Variants in DLGAP1 observed in about 807,000 individuals in gnomAD.
The protein encoded by DLGAP1 is DLG associated protein 1.
In DLGAP1, 11 loss-of-function variants were observed where a neutral mutation model predicts 90.8. The ratio of observed to expected loss-of-function variants is 0.12; its 90% CI spans 0.08 to 0.20. The LOEUF is 0.20. Ranked by LOEUF, DLGAP1 falls within the 10% of genes least tolerant of loss-of-function variation. The pLI is 1.00. For missense variants in DLGAP1, 1,050 were observed against 1,333.8 expected, an observed-to-expected ratio of 0.79 and a Z score of 3.31; for synonymous variants, 558 against 540.7, an observed-to-expected ratio of 1.03 and a Z score of -0.44.
At chr18:3,628,282 C>G (rs118058858) in intron 7 of DLGAP1, among the ~76,000 whole-genome samples, 3,097 of 151,534 alleles carry the variant, frequency 0.02, 60 homozygotes, top group East Asian at 0.051. Context: ...CTCTGCCTCC[C>G]GGGTTCGAGC....
At chr18:4,371,668 C>T (rs768752033) in intron 1 of DLGAP1, among the ~76,000 whole-genome samples, 4 of 152,144 alleles carry the variant, frequency 2.6e-5, no homozygotes, top group Non-Finnish European at 4.4e-5. Context: ...AATAAAAATG[C>T]AGGAAGACTA....
At chr18:4,326,367 C>G (rs79935172) in intron 1 of DLGAP1, among the ~76,000 whole-genome samples, 1 of 151,888 alleles carries the variant, frequency 6.6e-6, no homozygotes, top group African/African-American at 2.4e-5. Context: ...GCAAGGTTGT[C>G]GAGAAAAACG....
chr18:4,129,822 GAAT>G (rs2076287180), intron 2 of DLGAP1, among the ~76,000 whole-genome samples: 1 of 152,134 alleles, frequency 6.6e-6, no homozygotes, highest in East Asian at 1.9e-4. Flanking sequence ...TAATTTGAAG[GAAT>G]AACAGGAATA....
At chr18:3,691,297 G>C (rs2060888071) in intron 7 of DLGAP1, among the ~76,000 whole-genome samples, 1 of 152,048 alleles carries the variant, frequency 6.6e-6, no homozygotes, top group South Asian at 2.1e-4. Flanking sequence ...GCGTGATGGT[G>C]AACATCTGTA....
intron 10 of DLGAP1, among the ~76,000 whole-genome samples, chr18:3,511,212 C>A (rs1264256721): frequency 6.6e-6 from 1 of 152,190 alleles, no homozygotes; most frequent in Non-Finnish European, 1.5e-5. Flanking sequence ...ATTTCCTTGT[C>A]CTCCACACTT....
At chr18:3,927,960 T>C (rs1360147011) in intron 3 of DLGAP1, among the ~76,000 whole-genome samples, 1 of 152,182 alleles carries the variant, frequency 6.6e-6, no homozygotes, top group African/African-American at 2.4e-5. Context: ...CTGATATGCA[T>C]ACCAGTCATG....
At position 3,797,701 on chromosome 18, in the gene DLGAP1, T is replaced by C. The variant is rs536222839; in HGVS notation, c.1172+16358A>G. The stretch of plus-strand genomic sequence containing the variant: ...CACTACACATAGTGTTGGAAGAGTG[T>C]GTTTTGCCCAAATTGATCAAATGAG... On this transcript the variant is annotated intron_variant, in intron 5 of 12. Transcript: ENST00000315677. Among the ~76,000 whole-genome samples the C allele has an allele frequency of 1.4e-4, 22 of 152,300 alleles. No individual in the cohort carries two copies. In the South Asian group the frequency reaches 4.4e-3, roughly 30 times the overall value.
At position 3,578,284 on chromosome 18, in the gene DLGAP1, G is replaced by T. The variant is rs115658599; in HGVS notation, c.1965+3591C>A. On this transcript the variant is annotated intron_variant, in intron 8 of 12. Transcript: ENST00000315677. ...GCATGGAAGGAAGTCTAAGATTCTAGTGTGACATATTTTGGGAACTTGCAT... is the reference window on the plus strand; with the variant it reads ...GCATGGAAGGAAGTCTAAGATTCTATTGTGACATATTTTGGGAACTTGCAT... Among the ~76,000 whole-genome samples the T allele has an allele frequency of 9.6e-3, 1,462 of 152,168 alleles. 19 individuals are homozygous for T. The highest frequency in any genetic ancestry group is 0.033 in the African/African-American group (1,370 of 41,512).
At chr18:3,842,237 T>C (rs1471964832) in intron 4 of DLGAP1, among the ~76,000 whole-genome samples, 1 of 151,996 alleles carries the variant, frequency 6.6e-6, no homozygotes, top group Non-Finnish European at 1.5e-5. Context: ...CAGACCAGTA[T>C]GGCTGAAATG....
rs1468352422 is a variant in DLGAP1 at position 3,728,331 on chromosome 18, T to TATAC, written c.1591+803_1591+804insGTAT. 6.3e-5 allele frequency among the ~76,000 whole-genome samples: 9 copies of TATAC among 143,852 alleles called. No individual in the cohort carries two copies. The Admixed American group carries it at 6.3e-4, about 10-fold the overall frequency. 94.4% of individuals were successfully genotyped at this position (143,852 alleles called of 152,430 possible). On this transcript the variant is annotated intron_variant, in intron 7 of 12. Transcript: ENST00000315677. ...ATATATATATATATATATATATACA[T>TATAC]GTTTCATATGCACGCATTGTCATAT...
intron 1 of DLGAP1, among the ~76,000 whole-genome samples, chr18:4,438,694 C>T (rs897293602): frequency 7.3e-5 from 11 of 150,522 alleles, no homozygotes; most frequent in East Asian, 3.9e-4. Context: ...AAAACACACT[C>T]GAACCTCCTT....
intron 1 of DLGAP1, among the ~76,000 whole-genome samples, chr18:4,231,201 C>T (rs757157941): frequency 4.4e-4 from 67 of 152,076 alleles, no homozygotes; most frequent in South Asian, 1.2e-3. Context: ...ATCTCAAACA[C>T]GCATAAATTT....
intron 4 of DLGAP1, among the ~76,000 whole-genome samples, chr18:3,835,551 A>AG (rs1172190913): frequency 6.6e-6 from 1 of 151,068 alleles, no homozygotes; most frequent in East Asian, 2.0e-4. Context: ...TGGGAGGCTG[A>AG]GGCAGGAGAA....
At chr18:3,862,971 G>T (rs1248459408) in intron 4 of DLGAP1, among the ~76,000 whole-genome samples, 2 of 152,180 alleles carry the variant, frequency 1.3e-5, no homozygotes, top group African/African-American at 2.4e-5. Flanking sequence ...TCACCACAGG[G>T]TATTACCTTT....
rs75890588 is a variant in DLGAP1, at chr18:3,531,499, T to A, written c.2479+2695A>T. Among the ~76,000 whole-genome samples the A allele has an allele frequency of 2.0e-5, 3 of 152,280 alleles. No individual in the cohort carries two copies. In the East Asian group the frequency reaches 5.8e-4, roughly 29 times the overall value. ...ATGCATGATAATATTTTACCTTTTT[T>A]TGAGTCGGAGTCTCACTCTGTCACC... On this transcript the variant is annotated intron_variant, in intron 10 of 12. Transcript: ENST00000315677.
intron 2 of DLGAP1, among the ~76,000 whole-genome samples, chr18:4,017,667 G>A (rs1001639971): frequency 1.3e-5 from 2 of 152,144 alleles, no homozygotes; most frequent in Admixed American, 6.5e-5. Context: ...TGGAGCTCTC[G>A]CCCTCTCCTG....
In DLGAP1 at chr18:3,498,934, T is replaced by G. The variant is rs1014558266; in HGVS notation, c.*251A>C. On this transcript the variant is annotated 3_prime_UTR_variant, in exon 13 of 13. Coordinates refer to ENST00000315677, the MANE Select transcript of DLGAP1 (RefSeq NM_004746.4). Reference sequence around the variant, plus strand: ...GAAAATAAAGGGTTGGATCTCAGTATGAGGCAGGGCGACGGCATCAGGACA... The same window carrying G: ...GAAAATAAAGGGTTGGATCTCAGTAGGAGGCAGGGCGACGGCATCAGGACA... The G allele has an allele frequency of 3.8e-6, 2 of 522,246 alleles. No homozygotes were observed. The highest frequency in any genetic ancestry group is 6.7e-6 in the Non-Finnish European group (2 of 299,000). 32.4% of individuals were successfully genotyped at this position (522,246 alleles called of 1,614,324 possible).
intron 3 of DLGAP1, among the ~76,000 whole-genome samples, chr18:3,923,988 A>G (rs1280189553): frequency 1.3e-5 from 2 of 152,216 alleles, no homozygotes; most frequent in African/African-American, 2.4e-5. Context: ...AATGCACTGG[A>G]GAAAACATGA....
chr18:3,813,157 C>G (rs761543030), intron 5 of DLGAP1, among the ~76,000 whole-genome samples: 26 of 152,174 alleles, frequency 1.7e-4, no homozygotes, highest in Non-Finnish European at 2.4e-4. Context: ...CAGTCATATG[C>G]TGCACAACGA....
Sources: gnomAD v4.1 joint callset for allele counts (sites outside exome capture counted in the v4.1 genomes callset) on GRCh38, gnomAD v4.1.1 for gene constraint, MANE v1.5 for transcripts, NCBI Gene and HGNC (gene_info 2026-07-23, HGNC 2026-07-21) for gene names.